Variants in PRR16 observed in about 807,000 individuals in gnomAD.
PRR16 encodes protein Largen.
Under a neutral mutation model 18.2 loss-of-function variants are expected in PRR16, and 6 were observed. The observed-to-expected ratio is 0.33, with a 90% CI of 0.18 to 0.65. The LOEUF (loss-of-function observed/expected upper bound fraction) is 0.65. Among genes scored for constraint, PRR16 ranks in the 30% least tolerant of loss-of-function variants. The probability of loss-of-function intolerance (pLI) is 0.74; values close to 1 mark genes in which losing one functional copy is unlikely to be tolerated. For synonymous variants in PRR16, 151 were observed against 147.8 expected, an observed-to-expected ratio of 1.02 and a Z score of -0.16; for missense variants, 412 against 376.6, an observed-to-expected ratio of 1.09 and a Z score of -0.78.
chr5:120,516,423 C>CAAAAA (rs531146634), intron 1 of PRR16, among the ~76,000 whole-genome samples: 3 of 52,622 alleles, frequency 5.7e-5, no homozygotes, highest in Non-Finnish European at 1.3e-4. Flanking sequence ...GATTATGTCT[C>CAAAAA]AAAAAAAAAA....
chr5:120,542,068 T>C (rs1421099739), intron 1 of PRR16, among the ~76,000 whole-genome samples: 1 of 152,136 alleles, frequency 6.6e-6, no homozygotes, highest in African/African-American at 2.4e-5. Context: ...CGGAAAGGGA[T>C]ACCACTTTAT....
chr5:120,591,115 T>C (rs1394717091), intron 1 of PRR16, among the ~76,000 whole-genome samples: 2 of 151,820 alleles, frequency 1.3e-5, no homozygotes, highest in African/African-American at 4.8e-5. Flanking sequence ...CCGTCTCTAC[T>C]AAAAATGCAA....
At chr5:120,706,865 G>T in the PRR16 span, among the ~76,000 whole-genome samples, 1 of 152,158 alleles carries the variant, frequency 6.6e-6, no homozygotes, top group Non-Finnish European at 1.5e-5. Context: ...TGGGAAGGAG[G>T]TTGGTCAATG....
At chr5:120,782,892 A>T in the PRR16 span, among the ~76,000 whole-genome samples, 3 of 152,192 alleles carry the variant, frequency 2.0e-5, no homozygotes, top group African/African-American at 4.8e-5. Context: ...TCAGGTGCTT[A>T]CTTTAGAAAA....
At chr5:120,770,924 A>ACTCTCTCTCTCTCTCTCT in the PRR16 span, among the ~76,000 whole-genome samples, 8 of 38,498 alleles carry the variant, frequency 2.1e-4, no homozygotes, top group African/African-American at 6.1e-4. Flanking sequence ...ACTCATTGGA[A>ACTCTCTCTCTCTCTCTCT]CACTCTCTCT....
chr5:120,667,085 G>T (rs1178497332), intron 1 of PRR16, among the ~76,000 whole-genome samples: 2 of 151,948 alleles, frequency 1.3e-5, no homozygotes, highest in Non-Finnish European at 2.9e-5. Flanking sequence ...AATCCATCTG[G>T]TCCTGGACTC....
chr5:120,687,359 T>G (rs371218631), downstream of PRR16: 1 of 152,222 alleles, frequency 6.6e-6, no homozygotes, highest in Non-Finnish European at 1.5e-5. Context: ...TTAATCTCAC[T>G]TAACATTCCT....
chr5:120,515,324 C>T (rs1048645716), intron 1 of PRR16, among the ~76,000 whole-genome samples: 3 of 152,200 alleles, frequency 2.0e-5, no homozygotes. Context: ...CCTCTCAATA[C>T]ATTTGCACAG....
chr5:120,503,484 T>C (rs1313019404), intron 1 of PRR16, among the ~76,000 whole-genome samples: 3 of 152,124 alleles, frequency 2.0e-5, no homozygotes, highest in Non-Finnish European at 4.4e-5. Flanking sequence ...CTTATGTAAA[T>C]ATGGAATTTT....
At chr5:120,535,123 G>C (rs560751491) in intron 1 of PRR16, among the ~76,000 whole-genome samples, 54 of 151,896 alleles carry the variant, frequency 3.6e-4, no homozygotes, top group African/African-American at 1.2e-3. Context: ...ATGTGAGGAT[G>C]CTGTTGTCTA....
At chr5:120,497,823 T>A (rs965040539) in intron 1 of PRR16, among the ~76,000 whole-genome samples, 7 of 151,400 alleles carry the variant, frequency 4.6e-5, no homozygotes, top group East Asian at 1.9e-4. Context: ...TTATATATAT[T>A]TTTTTATTTG....
chr5:120,742,855 CT>C, the PRR16 span, among the ~76,000 whole-genome samples: 1 of 152,182 alleles, frequency 6.6e-6, no homozygotes, highest in African/African-American at 2.4e-5. Flanking sequence ...TTTTCTTGCC[CT>C]TTTCAACTTC....
chr5:120,629,818 G>A (rs1005262616), intron 1 of PRR16, among the ~76,000 whole-genome samples: 1 of 151,986 alleles, frequency 6.6e-6, no homozygotes, highest in Admixed American at 6.6e-5. Flanking sequence ...GACTCTAGGC[G>A]AACAGTTATT....
the PRR16 span, among the ~76,000 whole-genome samples, chr5:120,703,066 G>A: frequency 6.6e-6 from 1 of 152,170 alleles, no homozygotes; most frequent in Non-Finnish European, 1.5e-5. Flanking sequence ...GAGAGTCAGC[G>A]AAGGGAGATA....
downstream of PRR16, among the ~76,000 whole-genome samples, chr5:120,690,044 G>T (rs969330432): frequency 1.3e-5 from 2 of 152,120 alleles, no homozygotes; most frequent in Non-Finnish European, 2.9e-5. Flanking sequence ...AATATTGGAA[G>T]AAATGAATCT....
chr5:120,599,735 G>T (rs1017913532), intron 1 of PRR16, among the ~76,000 whole-genome samples: 1 of 151,772 alleles, frequency 6.6e-6, no homozygotes, highest in African/African-American at 2.4e-5. Flanking sequence ...CTAGTGATTA[G>T]TGGTTGCCTT....
chr5:120,717,338 T>C, the PRR16 span, among the ~76,000 whole-genome samples: 1 of 152,202 alleles, frequency 6.6e-6, no homozygotes, highest in Non-Finnish European at 1.5e-5. Flanking sequence ...GGAAATTTTA[T>C]AGTTGCATAT....
chr5:120,753,549 T>A, the PRR16 span, among the ~76,000 whole-genome samples: 15 of 151,666 alleles, frequency 9.9e-5, no homozygotes, highest in Admixed American at 2.0e-4. Flanking sequence ...TGTGTGTTTA[T>A]TTTTTATTAA....
intron 1 of PRR16, among the ~76,000 whole-genome samples, chr5:120,529,533 C>G (rs1054839403): frequency 6.6e-6 from 1 of 152,160 alleles, no homozygotes; most frequent in Non-Finnish European, 1.5e-5. Flanking sequence ...ATATAACAAA[C>G]TCTGGTGATA....
Sources: allele counts gnomAD v4.1 joint callset (sites outside exome capture counted in the v4.1 genomes callset), GRCh38; gene constraint gnomAD v4.1.1; transcripts MANE v1.5; gene names NCBI Gene and HGNC (gene_info 2026-07-23, HGNC 2026-07-21).